Variants in LEKR1 observed in about 807,000 individuals in gnomAD.
LEKR1 encodes the protein leucine, glutamate and lysine rich 1.
LEKR1 carries 59 observed loss-of-function variants against 72.4 expected under a neutral mutation model. That is an observed-to-expected ratio of 0.82 (90% CI 0.66 to 1.01). The LOEUF (loss-of-function observed/expected upper bound fraction) is 1.01, where lower values mean the gene tolerates loss of function less well. LEKR1 is among the 50% of genes least tolerant of loss of function. The pLI is 0.00. For missense variants in LEKR1, 728 were observed against 759.2 expected, an observed-to-expected ratio of 0.96 and a Z score of 0.48; for synonymous variants, 257 against 263.2, an observed-to-expected ratio of 0.98 and a Z score of 0.23.
chr3:156,908,924 G>A (rs1722818251), intron 3 of LEKR1, among the ~76,000 whole-genome samples: 3 of 152,270 alleles, frequency 2.0e-5, no homozygotes, highest in East Asian at 3.9e-4. Context: ...ATCTCATCTT[G>A]AATTGTAGCT....
At chr3:156,930,902 G>T (rs1725168282) in intron 5 of LEKR1, among the ~76,000 whole-genome samples, 1 of 152,174 alleles carries the variant, frequency 6.6e-6, no homozygotes, top group African/African-American at 2.4e-5. Flanking sequence ...CCATACATGA[G>T]AATTAATTTA....
At chr3:157,034,265 A>G (rs1734817724) in intron 12 of LEKR1, among the ~76,000 whole-genome samples, 2 of 152,212 alleles carry the variant, frequency 1.3e-5, no homozygotes, top group African/African-American at 4.8e-5. Context: ...ATAGTTATTG[A>G]TTCCTCTGAT....
chr3:157,027,184 T>G (rs1279473677), intron 11 of LEKR1, among the ~76,000 whole-genome samples: 2 of 151,968 alleles, frequency 1.3e-5, no homozygotes, highest in Admixed American at 6.6e-5. Context: ...AATCTTGCTT[T>G]TTTTTTTTTA....
intron 2 of LEKR1, among the ~76,000 whole-genome samples, chr3:156,842,349 CT>C (rs1316335547): frequency 4.0e-5 from 6 of 148,346 alleles, no homozygotes; most frequent in African/African-American, 7.5e-5. Context: ...CTTTCAAAGG[CT>C]TTTTTTTTTC....
intron 6 of LEKR1, among the ~76,000 whole-genome samples, chr3:156,946,266 T>A (rs2107971725): frequency 6.6e-6 from 1 of 151,844 alleles, no homozygotes; most frequent in East Asian, 1.9e-4. Flanking sequence ...CATATAGAAA[T>A]GCTGCTGATT....
chr3:156,846,476 C>T lies in LEKR1; in HGVS notation c.49-6292C>T, dbSNP rs138322785. 9.1e-4 allele frequency among the ~76,000 whole-genome samples: 137 copies of T among 151,274 alleles called. No individual in the cohort carries two copies. The East Asian group carries it at 0.019, about 21-fold the overall frequency. The stretch of plus-strand genomic sequence containing the variant: ...TTTTTTTTTTTGTAAGTGCCCTTTA[C>T]TAAATTGATTTTTAAATTTGTAAAT... On this transcript the variant is annotated intron_variant, in intron 2 of 12. Coordinates refer to ENST00000356539, the MANE Select transcript of LEKR1 (RefSeq NM_001004316.3).
chr3:156,929,022 G>A (rs887046021), intron 5 of LEKR1, among the ~76,000 whole-genome samples: 2 of 151,844 alleles, frequency 1.3e-5, no homozygotes, highest in African/African-American at 4.8e-5. Context: ...TTTCAAATTA[G>A]CTATCATAAC....
At position 156,904,235 on chromosome 3, in the gene LEKR1, T is replaced by C. The variant is rs555269845; in HGVS notation, c.264-16340T>C. On this transcript the variant is annotated intron_variant, in intron 3 of 12. Transcript: ENST00000356539. Reference sequence around the variant, plus strand: ...TATTAAGGATACTTTAAAATGATGGTAGCAGTATTTAAGACAATGTTTTAT... The same window carrying C: ...TATTAAGGATACTTTAAAATGATGGCAGCAGTATTTAAGACAATGTTTTAT... 2.0e-5 allele frequency among the ~76,000 whole-genome samples: 3 copies of C among 152,292 alleles called. No individual in the cohort carries two copies. In the East Asian group the frequency reaches 5.8e-4, roughly 29 times the overall value.
chr3:157,043,531 C>T (rs1458386181), intron 12 of LEKR1, among the ~76,000 whole-genome samples: 1 of 151,792 alleles, frequency 6.6e-6, no homozygotes, highest in Non-Finnish European at 1.5e-5. Flanking sequence ...CTAATTTAGG[C>T]ATAGGCAGCA....
At chr3:156,879,579 A>G (rs1719039264) in intron 3 of LEKR1, among the ~76,000 whole-genome samples, 2 of 152,260 alleles carry the variant, frequency 1.3e-5, no homozygotes, top group South Asian at 4.1e-4. Context: ...AATTTGTATA[A>G]GTAATGAGGA....
intron 6 of LEKR1, among the ~76,000 whole-genome samples, chr3:156,959,557 T>G (rs2107982512): frequency 6.6e-6 from 1 of 152,222 alleles, no homozygotes; most frequent in East Asian, 1.9e-4. Flanking sequence ...ATCCCACCAC[T>G]CTGCCTTTTT....
rs529231034 is a variant in LEKR1 at position 156,943,715 on chromosome 3, A to G, written c.745+1001A>G. Among the ~76,000 whole-genome samples, 20 of 151,994 alleles carry G rather than the reference A, an allele frequency of 1.3e-4. 2 individuals are homozygous for G. In the South Asian group the frequency reaches 4.1e-3, roughly 32 times the overall value. On this transcript the variant is annotated intron_variant, in intron 6 of 12. Coordinates refer to ENST00000356539, the MANE Select transcript of LEKR1 (RefSeq NM_001004316.3). The stretch of plus-strand genomic sequence containing the variant: ...AGTAAACACAGAAGAGAAGGAAGTC[A>G]GAAAGGGCTCTGAACCTCCTGTGTT...
chr3:156,852,337 G>A (rs1715462630), intron 2 of LEKR1, among the ~76,000 whole-genome samples: 1 of 152,134 alleles, frequency 6.6e-6, no homozygotes, highest in Non-Finnish European at 1.5e-5. Context: ...TTGGTGAAAT[G>A]TCATAATTTT....
intron 3 of LEKR1, among the ~76,000 whole-genome samples, chr3:156,901,212 C>G (rs971854447): frequency 2.6e-5 from 4 of 152,022 alleles, no homozygotes; most frequent in African/African-American, 9.7e-5. Context: ...CAGACAACGT[C>G]ATTCCTTTTT....
intron 9 of LEKR1, among the ~76,000 whole-genome samples, chr3:157,004,182 G>A (rs1732230197): frequency 6.6e-6 from 1 of 152,020 alleles, no homozygotes; most frequent in Non-Finnish European, 1.5e-5. Context: ...AAGCTGTAAT[G>A]GCTTTACAAA....
chr3:157,008,254 G>T (rs779100781), intron 9 of LEKR1, among the ~76,000 whole-genome samples: 2 of 152,146 alleles, frequency 1.3e-5, no homozygotes, highest in African/African-American at 2.4e-5. Flanking sequence ...ACACTGCCTT[G>T]TTCAGAGAGG....
chr3:156,899,457 CAT>C (rs1409919828), intron 3 of LEKR1, among the ~76,000 whole-genome samples: 1 of 69,820 alleles, frequency 1.4e-5, no homozygotes, highest in African/African-American at 5.5e-5. Context: ...CATATATACA[CAT>C]ATATACATGT....
intron 9 of LEKR1, among the ~76,000 whole-genome samples, chr3:156,996,396 G>A (rs1731569933): frequency 6.6e-6 from 1 of 152,124 alleles, no homozygotes; most frequent in Admixed American, 6.5e-5. Flanking sequence ...GGACAGCAGG[G>A]TAGCGTGGCT....
At chr3:156,921,219 A>G (rs754642475) in intron 4 of LEKR1, among the ~76,000 whole-genome samples, 1 of 152,136 alleles carries the variant, frequency 6.6e-6, no homozygotes. Context: ...TGAATTGAGT[A>G]TATTGAGAAT....
Sources: gnomAD v4.1 joint callset for allele counts (sites outside exome capture counted in the v4.1 genomes callset) on GRCh38, gnomAD v4.1.1 for gene constraint, MANE v1.5 for transcripts, NCBI Gene and HGNC (gene_info 2026-07-23, HGNC 2026-07-21) for gene names.